ITPRID1: variants seen among roughly 807,000 people sequenced by gnomAD.
The protein encoded by ITPRID1 is ITPR interacting domain containing 1.
In ITPRID1, 96 loss-of-function variants were observed where a neutral mutation model predicts 95.4. The observed-to-expected ratio is 1.01, with a 90% confidence interval of 0.85 to 1.19. ITPRID1 has a LOEUF of 1.19. ITPRID1 is among the 50% of genes most tolerant of loss of function. ITPRID1 has a pLI of 0.00. For missense variants in ITPRID1, 1,339 were observed against 1,252.9 expected, an observed-to-expected ratio of 1.07 and a Z score of -1.04; for synonymous variants, 510 against 453.6, an observed-to-expected ratio of 1.12 and a Z score of -1.58.
intron 10 of ITPRID1, among the ~76,000 whole-genome samples, chr7:31,627,085 A>G (rs1562628175): frequency 6.6e-6 from 1 of 152,212 alleles, no homozygotes; most frequent in Non-Finnish European, 1.5e-5. Flanking sequence ...AAGTACTCCT[A>G]GTGTTTTCCA....
intron 1 of ITPRID1, among the ~76,000 whole-genome samples, chr7:31,515,299 A>T (rs1021128639): frequency 6.6e-6 from 1 of 150,650 alleles, no homozygotes; most frequent in African/African-American, 2.4e-5. Flanking sequence ...AAAAAAAAAG[A>T]AAAAACAGAG....
intron 1 of ITPRID1, among the ~76,000 whole-genome samples, chr7:31,526,134 C>G (rs894708605): frequency 5.6e-4 from 86 of 152,318 alleles, no homozygotes; most frequent in African/African-American, 1.9e-3. Context: ...CACACTAAAT[C>G]TTCTACTTCC....
chr7:31,643,963 C>CACCCT lies in ITPRID1; in HGVS notation c.2583+11_2583+15dup. On this transcript the variant is annotated intron_variant, in intron 12 of 14. Coordinates refer to ENST00000615280, the MANE Select transcript of ITPRID1 (RefSeq NM_001257967.3). ...GAGGGAGCTATGTTCCGTAAGTGTT[C>CACCCT]ACCCTGGCAAAGATGGAAAGGCAGA... The CACCCT allele has an allele frequency of 6.3e-7, 1 of 1,593,132 alleles. No individual in the cohort carries two copies. The highest frequency in any genetic ancestry group is 1.1e-5 in the South Asian group (1 of 87,956).
At chr7:31,626,006 A>T (rs986617835) in intron 10 of ITPRID1, among the ~76,000 whole-genome samples, 1 of 152,198 alleles carries the variant, frequency 6.6e-6, no homozygotes, top group Non-Finnish European at 1.5e-5. Flanking sequence ...TTTTAAAAAA[A>T]CTTTATGACT....
chr7:31,623,717 T>G, intron 10 of ITPRID1, among the ~76,000 whole-genome samples: 1 of 139,706 alleles, frequency 7.2e-6, no homozygotes, highest in South Asian at 2.8e-4. Flanking sequence ...AAAGGAAAAC[T>G]TTGAAACCTC....
At chr7:31,610,850 GAATTTAA>G (rs1426092231) in intron 10 of ITPRID1, among the ~76,000 whole-genome samples, 2 of 151,120 alleles carry the variant, frequency 1.3e-5, no homozygotes, top group East Asian at 3.9e-4. Flanking sequence ...TGTGTTTTTT[GAATTTAA>G]AATGTTTCTC....
intron 10 of ITPRID1, among the ~76,000 whole-genome samples, chr7:31,605,195 T>C (rs1243146297): frequency 6.6e-6 from 1 of 151,556 alleles, no homozygotes; most frequent in African/African-American, 2.4e-5. Flanking sequence ...GAGAGGTGAT[T>C]ATGGTAGGAA....
chr7:31,607,141 T>A (rs1206685102), intron 10 of ITPRID1, among the ~76,000 whole-genome samples: 1 of 152,204 alleles, frequency 6.6e-6, no homozygotes, highest in African/African-American at 2.4e-5. Flanking sequence ...TCAAAGAATG[T>A]ATAATCAGAA....
At chr7:31,531,615 CA>C (rs1783599814) in intron 1 of ITPRID1, among the ~76,000 whole-genome samples, 1 of 152,122 alleles carries the variant, frequency 6.6e-6, no homozygotes, top group Non-Finnish European at 1.5e-5. Flanking sequence ...ATGTATTACT[CA>C]CAAGTCCCAG....
At chr7:31,539,381 C>T (rs1783860248) in intron 1 of ITPRID1, among the ~76,000 whole-genome samples, 1 of 152,072 alleles carries the variant, frequency 6.6e-6, no homozygotes, top group East Asian at 1.9e-4. Context: ...GATGAGGTTT[C>T]ACCATGTTGC....
chr7:31,623,532 AG>A lies in ITPRID1; in HGVS notation c.1229-18642del, dbSNP rs562201746. ...ACGATTATCTCAATAGATGCAGAAAAGGCCTTTGACAAAATTCAACAACCCT... is the reference window on the plus strand; with the variant it reads ...ACGATTATCTCAATAGATGCAGAAAAGCCTTTGACAAAATTCAACAACCCT... On this transcript the variant is annotated intron_variant, in intron 10 of 14. Coordinates refer to ENST00000615280, the MANE Select transcript of ITPRID1 (RefSeq NM_001257967.3). Among the ~76,000 whole-genome samples the A allele has an allele frequency of 5.7e-3, 862 of 151,970 alleles. 8 individuals carry two copies. The highest frequency in any genetic ancestry group is 0.019 in the African/African-American group (796 of 41,450).
At chr7:31,568,893 T>C (rs1323936233) in intron 5 of ITPRID1, among the ~76,000 whole-genome samples, 5 of 152,204 alleles carry the variant, frequency 3.3e-5, no homozygotes, top group African/African-American at 4.8e-5. Flanking sequence ...CTAAAATAAG[T>C]TGCAGCATCC....
chr7:31,525,877 A>C (rs1431854910), intron 1 of ITPRID1, among the ~76,000 whole-genome samples: 1 of 152,126 alleles, frequency 6.6e-6, no homozygotes, highest in Non-Finnish European at 1.5e-5. Flanking sequence ...TAGCTTACTA[A>C]CCTATAAATC....
At chr7:31,517,967 A>G (rs1783103363) in intron 1 of ITPRID1, 1 of 152,384 alleles carries the variant, frequency 6.6e-6, no homozygotes, top group Admixed American at 6.5e-5. Flanking sequence ...AAAGATGTCA[A>G]CATGTTACTG....
At chr7:31,616,762 A>AAAG (rs1244582049) in intron 10 of ITPRID1, among the ~76,000 whole-genome samples, 2 of 151,938 alleles carry the variant, frequency 1.3e-5, no homozygotes, top group African/African-American at 4.8e-5. Flanking sequence ...TGAGACAAGA[A>AAAG]AAGACAAAAC....
chr7:31,564,784 G>A (rs551047851), intron 5 of ITPRID1, among the ~76,000 whole-genome samples: 44 of 152,252 alleles, frequency 2.9e-4, no homozygotes, highest in African/African-American at 1.0e-3. Context: ...GTGGGATAGC[G>A]ACGGCAGAAA....
intron 10 of ITPRID1, among the ~76,000 whole-genome samples, chr7:31,617,266 A>AAAATGATAGAT (rs1611054): frequency 0.93 from 142,117 of 152,180 alleles, 66,689 homozygotes; most frequent in East Asian, 0.99. Flanking sequence ...CAACAATTTA[A>AAAATGATAGAT]CTTTGCAAAG....
At chr7:31,538,188 C>T (rs1388012245) in intron 1 of ITPRID1, among the ~76,000 whole-genome samples, 1 of 152,128 alleles carries the variant, frequency 6.6e-6, no homozygotes, top group Non-Finnish European at 1.5e-5. Context: ...TGTACTCTTC[C>T]CATTCTTTAA....
intron 1 of ITPRID1, among the ~76,000 whole-genome samples, chr7:31,530,140 G>A (rs1236200267): frequency 1.3e-5 from 2 of 152,086 alleles, no homozygotes; most frequent in African/African-American, 2.4e-5. Flanking sequence ...AAAATTGCTC[G>A]GTTATATAGC....
Sources: gnomAD v4.1 joint callset for allele counts (sites outside exome capture counted in the v4.1 genomes callset) on GRCh38, gnomAD v4.1.1 for gene constraint, MANE v1.5 for transcripts, NCBI Gene and HGNC (gene_info 2026-07-23, HGNC 2026-07-21) for gene names.